C8orf34: variants seen among roughly 807,000 people sequenced by gnomAD.
C8orf34 encodes the protein chromosome 8 open reading frame 34, also known as uncharacterized protein C8orf34.
C8orf34 carries 65 observed loss-of-function variants against 68.3 expected under a neutral mutation model. That is an observed-to-expected ratio of 0.95 (90% CI 0.78 to 1.17). The LOEUF (loss-of-function observed/expected upper bound fraction) is 1.17. C8orf34 is among the 50% of genes most tolerant of loss of function. C8orf34 has a pLI of 0.00. For missense variants in C8orf34, 664 were observed against 655.4 expected (o/e 1.01, Z -0.14); for synonymous variants, 244 against 241.2 (o/e 1.01, Z -0.11).
intron 1 of C8orf34, among the ~76,000 whole-genome samples, chr8:68,334,010 C>T (rs896847983): frequency 6.6e-6 from 1 of 152,116 alleles, no homozygotes; most frequent in African/African-American, 2.4e-5. Flanking sequence ...TTTTTTAAAA[C>T]AATAGCAAAA....
At chr8:68,730,082 A>C (rs1369874591) in intron 10 of C8orf34, among the ~76,000 whole-genome samples, 1 of 152,162 alleles carries the variant, frequency 6.6e-6, no homozygotes, top group East Asian at 1.9e-4. Context: ...ATAATGGAAA[A>C]CTAGGCACAC....
chr8:68,523,614 T>C (rs565428329), intron 6 of C8orf34, among the ~76,000 whole-genome samples: 2 of 152,192 alleles, frequency 1.3e-5, no homozygotes, highest in Non-Finnish European at 2.9e-5. Flanking sequence ...GTAGAAAGAA[T>C]ACATGCATAT....
chr8:68,343,110 A>C (rs1188788960), intron 1 of C8orf34, among the ~76,000 whole-genome samples: 1 of 151,998 alleles, frequency 6.6e-6, no homozygotes, highest in Non-Finnish European at 1.5e-5. Context: ...ATTAACCAAC[A>C]CTCCCTCTAA....
At position 68,625,565 on chromosome 8, in the gene C8orf34, A is replaced by T. The variant is rs2130664022; in HGVS notation, c.1106-14811A>T. 6 of 699,336 alleles carry T rather than the reference A, an allele frequency of 8.6e-6. No homozygotes were observed. In the South Asian group the frequency reaches 9.0e-5, roughly 10 times the overall value. 43.3% of individuals were successfully genotyped at this position (699,336 alleles called of 1,614,324 possible). ...TGAGAACAGCATGTGAATTCCAAGA[A>T]AGCAACACAGAATGGAAAATGGATT... On this transcript the variant is annotated intron_variant, in intron 7 of 13. Transcript: ENST00000518698.
chr8:68,370,564 G>A (rs1408993125), intron 1 of C8orf34, among the ~76,000 whole-genome samples: 1 of 152,162 alleles, frequency 6.6e-6, no homozygotes, highest in Non-Finnish European at 1.5e-5. Context: ...TTTCTAGAGT[G>A]CGGAGTGGGT....
chr8:68,657,935 A>G (rs1157299188), intron 8 of C8orf34, among the ~76,000 whole-genome samples: 1 of 151,900 alleles, frequency 6.6e-6, no homozygotes, highest in Non-Finnish European at 1.5e-5. Context: ...ACAAATTTCT[A>G]CTCTGATGGT....
chr8:68,736,608 CAT>C (rs1822129236), intron 10 of C8orf34, among the ~76,000 whole-genome samples: 1 of 151,870 alleles, frequency 6.6e-6, no homozygotes, highest in Admixed American at 6.6e-5. Context: ...TAAAATGAAA[CAT>C]AATTTTTATC....
intron 1 of C8orf34, among the ~76,000 whole-genome samples, chr8:68,426,702 T>C (rs1810241666): frequency 2.0e-5 from 3 of 151,608 alleles, no homozygotes; most frequent in Admixed American, 2.0e-4. Context: ...ACCCTATCTC[T>C]ACTAAAAACA....
chr8:68,677,895 A>G (rs1349097272), intron 8 of C8orf34, among the ~76,000 whole-genome samples: 1 of 152,184 alleles, frequency 6.6e-6, no homozygotes, highest in Non-Finnish European at 1.5e-5. Flanking sequence ...GAGATGAAAA[A>G]GGAGACATTA....
intron 7 of C8orf34, among the ~76,000 whole-genome samples, chr8:68,545,386 A>G (rs1400037433): frequency 2.0e-5 from 3 of 152,094 alleles, no homozygotes. Context: ...TTTATAAATT[A>G]CCTAGTCACA....
intron 7 of C8orf34, among the ~76,000 whole-genome samples, chr8:68,541,339 G>A (rs1039758621): frequency 1.3e-5 from 2 of 151,894 alleles, no homozygotes; most frequent in African/African-American, 2.4e-5. Context: ...GGTGGTGTAC[G>A]TCTGTAGTCC....
At chr8:68,337,600 T>A (rs1279897871) in intron 1 of C8orf34, among the ~76,000 whole-genome samples, 2 of 152,168 alleles carry the variant, frequency 1.3e-5, no homozygotes, top group East Asian at 3.8e-4. Flanking sequence ...TTTGTATTGT[T>A]CCTATACTTT....
chr8:68,776,619 G>A (rs1823527804), intron 11 of C8orf34, among the ~76,000 whole-genome samples, 170 bp downstream of exon 11: 1 of 152,158 alleles, frequency 6.6e-6, no homozygotes, highest in Non-Finnish European at 1.5e-5. Flanking sequence ...GACAGGTTTT[G>A]GTCCTCATTG....
chr8:68,677,674 G>T (rs1177224506), intron 8 of C8orf34, among the ~76,000 whole-genome samples: 1 of 151,806 alleles, frequency 6.6e-6, no homozygotes, highest in East Asian at 1.9e-4. Context: ...GCATCTTAAA[G>T]AACTAGAAAG....
intron 1 of C8orf34, among the ~76,000 whole-genome samples, chr8:68,349,311 C>G (rs1806410933): frequency 6.6e-6 from 1 of 151,988 alleles, no homozygotes; most frequent in Non-Finnish European, 1.5e-5. Context: ...AGCTTTGCAT[C>G]CTAGGGATGA....
rs1219974721 is a variant in C8orf34, at chr8:68,522,071, A to AT, written c.938+106dup. 8 of 1,092,272 alleles carry AT rather than the reference A, an allele frequency of 7.3e-6. No homozygotes were observed. The African/African-American group carries it at 9.6e-5, about 13-fold the overall frequency. 67.7% of individuals were successfully genotyped at this position (1,092,272 alleles called of 1,614,324 possible). A position where few individuals can be genotyped will look rare whatever the true frequency, so the allele number is the denominator to read the frequency against. ...GGTTTTTATGAAATCCGTTTTAGTA[A>AT]TTTTTTATAGAAAATTATGTTAGTC... On this transcript the variant is annotated intron_variant, in intron 6 of 13. Transcript: ENST00000518698.
chr8:68,638,606 C>T (rs1818914771), intron 7 of C8orf34, among the ~76,000 whole-genome samples: 1 of 151,820 alleles, frequency 6.6e-6, no homozygotes, highest in South Asian at 2.1e-4. Context: ...AGTTAGGAAA[C>T]CCTTTGTTTT....
intron 7 of C8orf34, among the ~76,000 whole-genome samples, chr8:68,632,590 G>A (rs1389340594): frequency 1.3e-5 from 2 of 151,982 alleles, no homozygotes; most frequent in Non-Finnish European, 2.9e-5. Flanking sequence ...TACCTCCAGG[G>A]CATGTCAGAG....
chr8:68,456,800 T>A (rs1489736177), intron 3 of C8orf34, among the ~76,000 whole-genome samples: 1 of 152,242 alleles, frequency 6.6e-6, no homozygotes, highest in Middle Eastern at 3.2e-3. Context: ...GACAAAGATC[T>A]GCAAGGTAGC....
Sources: allele counts gnomAD v4.1 joint callset (sites outside exome capture counted in the v4.1 genomes callset), GRCh38; gene constraint gnomAD v4.1.1; transcripts MANE v1.5; gene names NCBI Gene and HGNC (gene_info 2026-07-23, HGNC 2026-07-21).